The following SLC7A5 variants were observed in gnomAD, a reference collection of about 807,000 sequenced individuals.
SLC7A5 encodes solute carrier family 7 member 5.
In SLC7A5, 23 loss-of-function variants were observed where a neutral mutation model predicts 50.2. The ratio of observed to expected loss-of-function variants is 0.46; its 90% confidence interval spans 0.33 to 0.65. The LOEUF is 0.65. SLC7A5 is among the 30% of genes least tolerant of loss of function. The pLI is 0.02. For missense variants in SLC7A5, 578 were observed against 684.4 expected, an observed-to-expected ratio of 0.84 and a Z score of 1.73; for synonymous variants, 393 against 330.6, an observed-to-expected ratio of 1.19 and a Z score of -2.05.
In SLC7A5 at chr16:87,853,222, C is replaced by G. The variant is rs1271556203; in HGVS notation, c.539-1373G>C. Among the ~76,000 whole-genome samples, 1 of 152,240 alleles carries G rather than the reference C, an allele frequency of 6.6e-6. No homozygotes were observed. Among genetic ancestry groups the G allele is most frequent in the Non-Finnish European group, 1.5e-5 (1 of 68,034 alleles). ...CTGTGGAATCTTACAATGTAAGCAA[C>G]AGACCCCGAGGAAAGACATCCATGC... is the stretch of plus-strand genomic sequence containing the variant. On this transcript the variant is annotated intron_variant, in intron 1 of 9. Transcript: ENST00000261622. This position sits in a 1 kb window ranked among gnomAD's most constrained non-coding sequence, Gnocchi z 4.4.
chr16:87,838,015 G>T, intron 6 of SLC7A5, 74 bp from the exon 7 acceptor site: 1 of 1,196,730 alleles, frequency 8.4e-7, no homozygotes, highest in Non-Finnish European at 1.2e-6. Flanking sequence ...CACGCAGGCT[G>T]GGGAGTGGCA....
intron 1 of SLC7A5, among the ~76,000 whole-genome samples, chr16:87,865,170 C>A (rs1288764422): frequency 2.0e-5 from 3 of 152,106 alleles, no homozygotes; most frequent in Non-Finnish European, 2.9e-5. Flanking sequence ...GAGAGTACAT[C>A]CCTTTCTGTT....
rs867256985 is a variant in SLC7A5 at position 87,853,311 on chromosome 16, C to G, written c.539-1462G>C. 6.6e-6 allele frequency among the ~76,000 whole-genome samples: 1 copy of G among 152,362 alleles called. No individual in the cohort carries two copies. The highest frequency in any genetic ancestry group is 2.1e-4 in the South Asian group (1 of 4,828). ...GACGGGCTGCCGCCTGCCTATCTCT[C>G]AGAAATTAACCACCCCGCTACAATT... is the stretch of plus-strand genomic sequence containing the variant. On this transcript the variant is annotated intron_variant, in intron 1 of 9. Coordinates refer to ENST00000261622, the MANE Select transcript of SLC7A5 (RefSeq NM_003486.7). This position sits in a 1 kb window ranked among gnomAD's most constrained non-coding sequence, Gnocchi z 4.4.
Position 87,852,376 on chromosome 16 carries a change from G to T in SLC7A5, c.539-527C>A, listed in dbSNP as rs1464914077. 6.6e-6 allele frequency among the ~76,000 whole-genome samples: 1 copy of T among 152,202 alleles called. No individual in the cohort carries two copies. The highest frequency in any genetic ancestry group is 2.4e-5 in the African/African-American group (1 of 41,430). On this transcript the variant is annotated intron_variant, in intron 1 of 9. Coordinates refer to ENST00000261622, the MANE Select transcript of SLC7A5 (RefSeq NM_003486.7). This position sits in a 1 kb window ranked among gnomAD's most constrained non-coding sequence, Gnocchi z 4.5. ...GTGTCCCGCTTTCCCGGAACTACCT[G>T]GCCAGTCACCTGGGGACGGCAGCCT...
chr16:87,854,945 C>T (rs113210873), intron 1 of SLC7A5, among the ~76,000 whole-genome samples: 154 of 152,348 alleles, frequency 1.0e-3, no homozygotes, highest in Middle Eastern at 3.4e-3. Context: ...CAGAAACATC[C>T]TCATCTTCGG....
chr16:87,850,719 G>A (rs990284377), intron 2 of SLC7A5, among the ~76,000 whole-genome samples: 1 of 152,222 alleles, frequency 6.6e-6, no homozygotes, highest in Non-Finnish European at 1.5e-5. Flanking sequence ...CACTTCAACT[G>A]TACCCAACCA....
chr16:87,866,594 T>G (rs1481649734), intron 1 of SLC7A5, among the ~76,000 whole-genome samples: 1 of 151,966 alleles, frequency 6.6e-6, no homozygotes, highest in Non-Finnish European at 1.5e-5. Context: ...GCCTCCCGAG[T>G]AGCTGGGATT....
In SLC7A5 at chr16:87,841,059, T is replaced by C; in HGVS notation, c.761A>G (p.Tyr254Cys). Residue 254 changes from tyrosine (Y) to cysteine (C), a missense_variant, in exon 3 of 10, where the codon TAT becomes TGT. Tyr to Cys is a radical substitution (Grantham distance 194). Transcript: ENST00000261622. This position sits in a 1 kb window ranked among gnomAD's most constrained non-coding sequence, Gnocchi z 4.8. ...ACATTCCAGAACCTACCATCCTCCA[T>C]AGGCAAAGAGGCCGCTGTATAATGC... ...VLALYSGLFA[Y>C]GGWNYLNFVT... The C allele has an allele frequency of 6.8e-6, 11 of 1,612,024 alleles. No individual in the cohort carries two copies. Among genetic ancestry groups the C allele is most frequent in the Non-Finnish European group, 9.3e-6 (11 of 1,178,338 alleles).
In SLC7A5 at chr16:87,838,719, G is replaced by T. The variant is rs762887277; in HGVS notation, c.1038C>A (p.Ser346=). The part of the protein sequence containing the change: ...FGSVNGSLFT[S]SRLFFVGSRE... ...GTGGGTCGGGCTGTGCTCACCTGGA[G>T]GATGTGAACAGGGACCCATTGACGG... Residue 346 remains serine (S), a synonymous_variant, in exon 6 of 10, where the codon TCC becomes TCA. Transcript: ENST00000261622. 1.9e-6 allele frequency: 3 copies of T among 1,612,762 alleles called. No homozygotes were observed. The highest frequency in any genetic ancestry group is 2.5e-6 in the Non-Finnish European group (3 of 1,178,860).
chr16:87,837,886 G>A lies in SLC7A5; in HGVS notation c.1099C>T (p.His367Tyr), dbSNP rs749580454. ...GGCACGGGGGTGAGGAGCTGTGGGTGGATCATGGAGAGGATGGAGGGCAGG... is the reference window on the plus strand; with the variant it reads ...GGCACGGGGGTGAGGAGCTGTGGGTAGATCATGGAGAGGATGGAGGGCAGG... ...GHLPSILSMI[H>Y]PQLLTPVPSL... The change falls in exon 7 of 10, where the codon CAC becomes TAC. Residue 367 changes from histidine to tyrosine, a missense_variant. By Grantham distance (83) the His-to-Tyr change is moderately conservative. This residue lies in a region of SLC7A5 where 465 missense variants were observed against 594.6 expected (regional missense o/e 0.78). Coordinates refer to ENST00000261622, the MANE Select transcript of SLC7A5 (RefSeq NM_003486.7). 1 of 1,608,534 alleles carries A rather than the reference G, an allele frequency of 6.2e-7. No homozygotes were observed. The highest frequency in any genetic ancestry group is 8.5e-7 in the Non-Finnish European group (1 of 1,178,490).
At chr16:87,838,874 T>A in intron 5 of SLC7A5, 57 bp from the exon 6 acceptor site, 1 of 1,327,602 alleles carries the variant, frequency 7.5e-7, no homozygotes, top group Non-Finnish European at 1.1e-6. Context: ...GCCCTCCCTG[T>A]GCTCACTGGG....
At chr16:87,845,017 C>T (rs528170468) in intron 2 of SLC7A5, among the ~76,000 whole-genome samples, 2 of 152,242 alleles carry the variant, frequency 1.3e-5, no homozygotes, top group South Asian at 4.2e-4. Flanking sequence ...GAGACAGAGC[C>T]AGAGCCAGCC....
Position 87,841,001 on chromosome 16 carries a change from A to G in SLC7A5, c.770+49T>C. ...GAGATTTGGGATTCCTGGACACGTCAGGGACTGTATGTCCCCAGACCAAGG... is the reference window on the plus strand; with the variant it reads ...GAGATTTGGGATTCCTGGACACGTCGGGGACTGTATGTCCCCAGACCAAGG... On this transcript the variant is annotated intron_variant, in intron 3 of 9. Transcript: ENST00000261622. This position sits in a 1 kb window ranked among gnomAD's most constrained non-coding sequence, Gnocchi z 4.8. The G allele has an allele frequency of 7.7e-7, 1 of 1,304,842 alleles. No homozygotes were observed. Among genetic ancestry groups the G allele is most frequent in the East Asian group, 2.3e-5 (1 of 43,308 alleles). 80.8% of individuals were successfully genotyped at this position (1,304,842 alleles called of 1,614,324 possible).
rs2054929914 is a variant in SLC7A5 at position 87,831,075 on chromosome 16, CA to C, written c.*1894del. On this transcript the variant is annotated 3_prime_UTR_variant, in exon 10 of 10. Transcript: ENST00000261622. ...TGGATTCACACAGCAATGCACCAGG[CA>C]GGTGGGGCACCAGCTGCTGTCCTTA... is the stretch of plus-strand genomic sequence containing the variant. 1 of 152,260 alleles carries C rather than the reference CA, an allele frequency of 6.6e-6. No individual in the cohort carries two copies. 9.4% of individuals were successfully genotyped at this position (152,260 alleles called of 1,614,324 possible).
In SLC7A5 at chr16:87,868,899, G is replaced by A; in HGVS notation, c.524C>T (p.Ala175Val). Residue 175 changes from alanine to valine, a missense_variant, in exon 1 of 10, where the codon GCC (alanine) becomes GTC (valine). Physicochemically the swap from Ala to Val is moderately conservative, Grantham distance 64. Transcript: ENST00000261622. ...PVPEEAAKLV[A>V]CLCVLLLTAV... ...CCCGTACTCACGCACGCAGAGGCAG[G>A]CCACGAGCTTGGCTGCCTCCTCGGG... The A allele has an allele frequency of 2.5e-6, 4 of 1,608,594 alleles. No individual in the cohort carries two copies. The highest frequency in any genetic ancestry group is 3.4e-6 in the Non-Finnish European group (4 of 1,178,460).
intron 7 of SLC7A5, chr16:87,837,443 A>C (rs2055021113): frequency 3.9e-6 from 1 of 257,714 alleles, no homozygotes; most frequent in East Asian, 8.9e-5. Flanking sequence ...TGTGTGACAC[A>C]GCCAGAGGGA....
At chr16:87,859,979 G>C (rs1644004199) in intron 1 of SLC7A5, among the ~76,000 whole-genome samples, 1 of 151,710 alleles carries the variant, frequency 6.6e-6, no homozygotes, top group Non-Finnish European at 1.5e-5. Flanking sequence ...GTCTTACCCA[G>C]ATACTCCTTT....
At chr16:87,834,762 C>T in intron 8 of SLC7A5, 171 bp from the exon 9 acceptor site, 2 of 704,024 alleles carry the variant, frequency 2.8e-6, no homozygotes, top group South Asian at 1.6e-5. Flanking sequence ...GTCCCGCCCT[C>T]GACTCTGCAT....
intron 2 of SLC7A5, among the ~76,000 whole-genome samples, chr16:87,848,932 C>T (rs999085099): frequency 5.1e-5 from 5 of 97,968 alleles, no homozygotes; most frequent in African/African-American, 1.1e-4. Context: ...CCAAGGCCTA[C>T]AGGACCCTAG....
Sources: allele counts gnomAD v4.1 joint callset (sites outside exome capture counted in the v4.1 genomes callset), GRCh38; gene constraint gnomAD v4.1.1; regional missense constraint gnomAD v4.1.1; non-coding constraint Gnocchi (gnomAD v3.1); transcripts MANE v1.5; gene names NCBI Gene and HGNC (gene_info 2026-07-23, HGNC 2026-07-21).